ZKSCAN5: variants seen among roughly 807,000 people sequenced by gnomAD.
ZKSCAN5 encodes zinc finger protein with KRAB and SCAN domains 5.
ZKSCAN5 carries 28 observed loss-of-function variants against 60.0 expected under a neutral mutation model. That is an observed-to-expected ratio of 0.47 (90% CI 0.35 to 0.64). The LOEUF (loss-of-function observed/expected upper bound fraction) is 0.64, where lower values mean the gene tolerates loss of function less well. Among genes scored for constraint, ZKSCAN5 ranks in the 30% least tolerant of loss-of-function variants. The pLI, the probability that ZKSCAN5 is intolerant of heterozygous loss-of-function variation, is 0.01. For synonymous variants in ZKSCAN5, 361 were observed against 371.2 expected, an observed-to-expected ratio of 0.97 and a Z score of 0.31; for missense variants, 881 against 1,034.6, an observed-to-expected ratio of 0.85 and a Z score of 2.04.
intron 5 of ZKSCAN5, among the ~76,000 whole-genome samples, chr7:99,522,533 G>A (rs1482622627): frequency 2.6e-5 from 4 of 151,510 alleles, no homozygotes; most frequent in African/African-American, 9.7e-5. Context: ...CAGTGCAGTG[G>A]TACGATCTTG....
chr7:99,528,897 T>C (rs1406843831), intron 6 of ZKSCAN5, among the ~76,000 whole-genome samples: 1 of 152,154 alleles, frequency 6.6e-6, no homozygotes, highest in African/African-American at 2.4e-5. Context: ...GTAAAGGTGA[T>C]GAGCATTCCC....
chr7:99,524,526 TGTTAACTACTG>T (rs1413764001), intron 5 of ZKSCAN5, among the ~76,000 whole-genome samples: 5 of 152,208 alleles, frequency 3.3e-5, no homozygotes, highest in Non-Finnish European at 5.9e-5. Context: ...CTCTATTTTT[TGTTAACTACTG>T]AAGATTTGTC....
At position 99,532,725 on chromosome 7, in the gene ZKSCAN5, A is replaced by T. The variant is rs1292656163; in HGVS notation, c.*476A>T. 2 of 156,598 alleles carry T rather than the reference A, an allele frequency of 1.3e-5. No homozygotes were observed. Among genetic ancestry groups the T allele is most frequent in the African/African-American group, 4.8e-5 (2 of 41,486 alleles). The allele number at this position is 156,598 out of a possible 1,614,324, so 9.7% of individuals were successfully genotyped here. ...CAGCAATGAACCTTTTCTAGAAATT[A>T]TTATTCCAACCACTAGAATACCCTA... On this transcript the variant is annotated 3_prime_UTR_variant, in exon 7 of 7. Coordinates refer to ENST00000326775, the MANE Select transcript of ZKSCAN5 (RefSeq NM_145102.4).
intron 5 of ZKSCAN5, among the ~76,000 whole-genome samples, chr7:99,522,990 A>T (rs890685519): frequency 2.1e-5 from 3 of 143,400 alleles, no homozygotes; most frequent in African/African-American, 7.7e-5. Context: ...CATGGCAAAA[A>T]CCTGTCTCTA....
In ZKSCAN5 at chr7:99,525,816, A is replaced by G. The variant is rs756726901; in HGVS notation, c.776A>G (p.Tyr259Cys). 6 of 1,591,092 alleles carry G rather than the reference A, an allele frequency of 3.8e-6. No individual in the cohort carries two copies. The East Asian group carries it at 1.1e-4, about 30-fold the overall frequency. Residue 259 changes from tyrosine to cysteine, a missense_variant, in exon 6 of 7, where the codon TAT becomes TGT. Tyr to Cys is a radical substitution (Grantham distance 194). Coordinates refer to ENST00000326775, the MANE Select transcript of ZKSCAN5 (RefSeq NM_145102.4). ...AATTCTCCCTCTGTTATTTCAGGTTATGAGTCCAGGGACAATATGGAGCTC... is the reference window on the plus strand; with the variant it reads ...AATTCTCCCTCTGTTATTTCAGGTTGTGAGTCCAGGGACAATATGGAGCTC... ...ENYGSITSMG[Y>C]ESRDNMELIV...
intron 5 of ZKSCAN5, among the ~76,000 whole-genome samples, chr7:99,522,051 G>A (rs1041785933): frequency 6.6e-6 from 1 of 151,836 alleles, no homozygotes; most frequent in Admixed American, 6.6e-5. Context: ...AGTTTCTGAT[G>A]TTTTTCTCAT....
At chr7:99,509,668 G>A (rs1292755394) in intron 2 of ZKSCAN5, among the ~76,000 whole-genome samples, 4 of 151,696 alleles carry the variant, frequency 2.6e-5, no homozygotes, top group African/African-American at 4.8e-5. Flanking sequence ...GGGTTTCACC[G>A]TGTTAGCCAG....
chr7:99,512,529 C>T lies in ZKSCAN5; in HGVS notation c.491C>T (p.Pro164Leu), dbSNP rs1584173132. The T allele has an allele frequency of 6.8e-6, 11 of 1,614,168 alleles. No individual in the cohort carries two copies. The highest frequency in any genetic ancestry group is 9.3e-6 in the Non-Finnish European group (11 of 1,180,012). Residue 164 changes from proline (P) to leucine (L), a missense_variant, in exon 3 of 7, where the codon CCC becomes CTC. Transcript: ENST00000326775. ...GAVQESCSPH[P>L]LTVDTQPEQA... is the part of the protein sequence containing the mutation. Reference sequence around the variant, plus strand: ...GTGCAGGAGTCCTGCAGCCCCCATCCCCTGACCGTGGACACCCAGCCTGAG... The same window carrying T: ...GTGCAGGAGTCCTGCAGCCCCCATCTCCTGACCGTGGACACCCAGCCTGAG...
chr7:99,528,858 A>C (rs1167829410), intron 6 of ZKSCAN5, among the ~76,000 whole-genome samples: 1 of 152,198 alleles, frequency 6.6e-6, no homozygotes, highest in Non-Finnish European at 1.5e-5. Flanking sequence ...GCTCTCATGC[A>C]GCCGATGGTC....
intron 2 of ZKSCAN5, 39 bp downstream of exon 2, chr7:99,506,497 G>T: frequency 6.4e-7 from 1 of 1,555,346 alleles, no homozygotes; most frequent in African/African-American, 1.4e-5. Flanking sequence ...TGAAGGAGAG[G>T]AGTGAACCAT....
At position 99,531,687 on chromosome 7, in the gene ZKSCAN5, G is replaced by A. The variant is rs761003233; in HGVS notation, c.1958G>A (p.Arg653Gln). Reference protein sequence around the residue: ...GRRSHLAGHLRLHSREKSHQC... With the variant: ...GRRSHLAGHLQLHSREKSHQC... ...CGTTCCCACCTGGCTGGACATCTTC[G>A]ACTCCACTCCCGAGAGAAATCCCAT... Residue 653 changes from arginine (R) to glutamine (Q), a missense_variant, in exon 7 of 7, where the codon CGA becomes CAA. Arg to Gln is a conservative substitution (Grantham distance 43). This residue lies in a region of ZKSCAN5 where 112 missense variants were observed against 182.4 expected (regional missense o/e 0.61). Coordinates refer to ENST00000326775, the MANE Select transcript of ZKSCAN5 (RefSeq NM_145102.4). 3.7e-6 allele frequency: 6 copies of A among 1,614,152 alleles called. No individual in the cohort carries two copies. In the South Asian group the frequency reaches 5.5e-5, roughly 15 times the overall value.
chr7:99,531,129 A>G lies in ZKSCAN5; in HGVS notation c.1400A>G (p.Asn467Ser). 2 of 1,590,178 alleles carry G rather than the reference A, an allele frequency of 1.3e-6. No homozygotes were observed. Among genetic ancestry groups the G allele is most frequent in the Middle Eastern group, 3.4e-4 (2 of 5,940 alleles). ...TTAGGCAGTGACAAAAGAAGTAAGAACACAAAATTAAGTGTTAAGAAGAAA... is the reference window on the plus strand; with the variant it reads ...TTAGGCAGTGACAAAAGAAGTAAGAGCACAAAATTAAGTGTTAAGAAGAAA... ...SQRCSDKRSK[N>S]TKLSVKKKIS... The change falls in exon 7 of 7, where the codon AAC becomes AGC. Residue 467 changes from asparagine (N) to serine (S), a missense_variant. Around this residue, in one of 5 missense-constraint regions of ZKSCAN5, gnomAD observed 490 missense variants for 554.5 expected, o/e 0.88. Coordinates refer to ENST00000326775, the MANE Select transcript of ZKSCAN5 (RefSeq NM_145102.4).
intron 5 of ZKSCAN5, among the ~76,000 whole-genome samples, chr7:99,521,990 G>A (rs1031555594): frequency 2.6e-5 from 4 of 152,028 alleles, no homozygotes; most frequent in South Asian, 2.1e-4. Flanking sequence ...AGAGTTTGAG[G>A]TTCTTGGCAT....
chr7:99,520,102 C>T, intron 4 of ZKSCAN5, 67 bp from the exon 5 acceptor site: 1 of 1,587,408 alleles, frequency 6.3e-7, no homozygotes, highest in Non-Finnish European at 8.6e-7. Context: ...TTAATGAGCC[C>T]AGTTCTTCCC....
chr7:99,517,242 T>G (rs1303051496), intron 3 of ZKSCAN5, among the ~76,000 whole-genome samples: 1 of 152,098 alleles, frequency 6.6e-6, no homozygotes, highest in African/African-American at 2.4e-5. Flanking sequence ...TTTTGTATTT[T>G]TAGTAGAGAT....
At chr7:99,505,083 G>C (rs1336459058) in intron 1 of ZKSCAN5, 1 of 152,214 alleles carries the variant, frequency 6.6e-6, no homozygotes, top group Non-Finnish European at 1.5e-5. Context: ...CCCTGGAGAC[G>C]TCCGAGTCAC....
rs908898313 is a variant in ZKSCAN5 at position 99,533,003 on chromosome 7, G to A, written c.*754G>A. 20 of 210,166 alleles carry A rather than the reference G, an allele frequency of 9.5e-5. No homozygotes were observed. Among genetic ancestry groups the A allele is most frequent in the African/African-American group, 2.9e-4 (13 of 44,702 alleles). 13.0% of individuals were successfully genotyped at this position (210,166 alleles called of 1,614,324 possible). On this transcript the variant is annotated 3_prime_UTR_variant, in exon 7 of 7. Transcript: ENST00000326775. Reference sequence around the variant, plus strand: ...GTACTGGTCAGTCACATCTTACGGCGAAGGGAGAGGGACCTTAGGGGAGCA... The same window carrying A: ...GTACTGGTCAGTCACATCTTACGGCAAAGGGAGAGGGACCTTAGGGGAGCA...
rs1584208540 is a variant in ZKSCAN5, at chr7:99,531,358, C to G, written c.1629C>G (p.Ser543=). The change falls in exon 7 of 7, where the codon TCC becomes TCG. Residue 543 remains serine, a synonymous_variant. Coordinates refer to ENST00000326775, the MANE Select transcript of ZKSCAN5 (RefSeq NM_145102.4). ...SEVPYVHKKS[S]TGERPHKCNE... ...TCCCATATGTCCACAAAAAATCCTC[C>G]ACTGGAGAGAGACCACATAAATGTA... 6.2e-7 allele frequency: 1 copy of G among 1,614,150 alleles called. No individual in the cohort carries two copies.
At chr7:99,508,194 G>A (rs1366148091) in intron 2 of ZKSCAN5, among the ~76,000 whole-genome samples, 1 of 152,080 alleles carries the variant, frequency 6.6e-6, no homozygotes, top group African/African-American at 2.4e-5. Context: ...AGGCACTCGG[G>A]AGGCTGAGGC....
Sources: allele counts gnomAD v4.1 joint callset (sites outside exome capture counted in the v4.1 genomes callset), GRCh38; gene constraint gnomAD v4.1.1; regional missense constraint gnomAD v4.1.1; transcripts MANE v1.5; gene names NCBI Gene and HGNC (gene_info 2026-07-23, HGNC 2026-07-21).